The following LRRC56 variants were observed in gnomAD, a reference collection of about 807,000 sequenced individuals.
The protein encoded by LRRC56 is leucine rich repeat containing 56.
Under a neutral mutation model 47.8 loss-of-function variants are expected in LRRC56, and 41 were observed. That is an observed-to-expected ratio of 0.86 (90% CI 0.67 to 1.11). The LOEUF is 1.11. LRRC56 is among the 50% of genes most tolerant of loss of function. LRRC56 has a pLI of 0.00. For missense variants in LRRC56, 759 were observed against 704.2 expected, an observed-to-expected ratio of 1.08 and a Z score of -0.88; for synonymous variants, 387 against 311.2, an observed-to-expected ratio of 1.24 and a Z score of -2.56.
rs1852359759 is a variant in LRRC56 at position 551,116 on chromosome 11, C to T, written c.625-15C>T. ...CCCAGACCTGCCCTCCCTCCCCCTCCCCCTCCCCCTGCAGGTGCCCAGGGG... is the reference window on the plus strand; with the variant it reads ...CCCAGACCTGCCCTCCCTCCCCCTCTCCCTCCCCCTGCAGGTGCCCAGGGG... On this transcript the variant is annotated splice_polypyrimidine_tract_variant and intron_variant, in intron 8 of 13. Transcript: ENST00000270115. The T allele has an allele frequency of 2.8e-6, 4 of 1,407,332 alleles. No homozygotes were observed. The Admixed American group carries it at 1.0e-4, about 36-fold the overall frequency. The allele number at this position is 1,407,332 out of a possible 1,614,324, so 87.2% of individuals were successfully genotyped here.
At chr11:509,970 G>C in the LRRC56 span, among the ~76,000 whole-genome samples, 2 of 148,804 alleles carry the variant, frequency 1.3e-5, no homozygotes, top group African/African-American at 5.0e-5. Flanking sequence ...TACCGCCCCA[G>C]AGCTGACCAT....
At chr11:532,584 C>A, upstream of LRRC56, 1 of 1,585,510 alleles carries the variant, frequency 6.3e-7, no homozygotes, top group Non-Finnish European at 8.5e-7. Flanking sequence ...GGCGGGGAGC[C>A]GGGGTCATCC....
At chr11:542,764 C>T (rs564450101) in intron 5 of LRRC56, among the ~76,000 whole-genome samples, 1 of 152,226 alleles carries the variant, frequency 6.6e-6, no homozygotes, top group East Asian at 1.9e-4. Context: ...TCTACTGACA[C>T]TTCAGTGTGT....
the LRRC56 span, among the ~76,000 whole-genome samples, chr11:522,458 G>A: frequency 6.6e-6 from 1 of 152,092 alleles, no homozygotes; most frequent in Non-Finnish European, 1.5e-5. Context: ...AGTTGAGACG[G>A]GGTTTCACTG....
At chr11:508,064 A>T in the LRRC56 span, among the ~76,000 whole-genome samples, 2 of 152,256 alleles carry the variant, frequency 1.3e-5, no homozygotes, top group East Asian at 3.9e-4. Flanking sequence ...TCCGCAATTC[A>T]CAGAATTGAC....
chr11:550,078 T>G lies in LRRC56; in HGVS notation c.430T>G (p.Tyr144Asp). The change falls in exon 8 of 14, where the codon TAC (tyrosine) becomes GAC (aspartate). Residue 144 changes from tyrosine (Y) to aspartate (D), a missense_variant. Physicochemically the swap from Tyr to Asp is radical, Grantham distance 160. Coordinates refer to ENST00000270115, the MANE Select transcript of LRRC56 (RefSeq NM_198075.4). Reference sequence around the variant, plus strand: ...AGAGCCCCGCGCTGCCCAGGAACTCTACGCCTCCTACAACAACATCTCGGA... The same window carrying G: ...AGAGCCCCGCGCTGCCCAGGAACTCGACGCCTCCTACAACAACATCTCGGA... ...IASLPALKEL[Y>D]ASYNNISDLS... 6 of 1,612,278 alleles carry G rather than the reference T, an allele frequency of 3.7e-6. No homozygotes were observed. Among genetic ancestry groups the G allele is most frequent in the Non-Finnish European group, 5.1e-6 (6 of 1,179,060 alleles).
At chr11:513,357 G>C in the LRRC56 span, among the ~76,000 whole-genome samples, 1 of 152,102 alleles carries the variant, frequency 6.6e-6, no homozygotes, top group Non-Finnish European at 1.5e-5. Context: ...TCACCATGTT[G>C]GCGAGGCTGG....
At chr11:518,408 C>T in the LRRC56 span, among the ~76,000 whole-genome samples, 1 of 152,130 alleles carries the variant, frequency 6.6e-6, no homozygotes, top group South Asian at 2.1e-4. Flanking sequence ...GTCTCGATCT[C>T]CTGACCTCGT....
upstream of LRRC56, chr11:533,239 T>G: frequency 6.6e-7 from 1 of 1,516,546 alleles, no homozygotes; most frequent in Non-Finnish European, 8.9e-7. Context: ...ACCCCGGCCC[T>G]CGCCTCCCTC....
upstream of LRRC56, chr11:532,553 G>A (rs1053388693): frequency 2.6e-6 from 4 of 1,556,362 alleles, no homozygotes; most frequent in South Asian, 1.2e-5. Context: ...GCTGCTGACC[G>A]CAGGCCAGGA....
the LRRC56 span, among the ~76,000 whole-genome samples, chr11:507,672 G>A: frequency 6.6e-5 from 10 of 152,234 alleles, no homozygotes; most frequent in Non-Finnish European, 1.3e-4. Flanking sequence ...CCTCGGGACA[G>A]GAGGGACCCG....
chr11:524,249 C>T, the LRRC56 span, among the ~76,000 whole-genome samples: 1 of 152,086 alleles, frequency 6.6e-6, no homozygotes, highest in African/African-American at 2.4e-5. Flanking sequence ...AGACACACAC[C>T]GAGGGAAGAC....
the LRRC56 span, among the ~76,000 whole-genome samples, chr11:527,258 G>A: frequency 2.6e-5 from 4 of 151,950 alleles, no homozygotes; most frequent in African/African-American, 7.3e-5. Context: ...CTGAGATCGC[G>A]CCACTGCATG....
At chr11:533,666 C>A (rs1851261481), upstream of LRRC56, 3 of 1,612,736 alleles carry the variant, frequency 1.9e-6, no homozygotes, top group Admixed American at 3.3e-5. Flanking sequence ...CAGCGGCATC[C>A]AGGACATGCG....
chr11:554,139 G>A lies in LRRC56; in HGVS notation c.1492G>A (p.Val498Ile), dbSNP rs1852618061. Residue 498 changes from valine to isoleucine, a missense_variant, in exon 14 of 14, where the codon GTC becomes ATC. Transcript: ENST00000270115. The part of the protein sequence containing the change: ...GLGDGVAAVP[V>I]LRALEVASRL... ...GGGTGATGGGGTGGCTGCAGTGCCT[G>A]TCCTGAGAGCCCTGGAGGTGGCCTC... 1 of 1,602,206 alleles carries A rather than the reference G, an allele frequency of 6.2e-7. No homozygotes were observed.
chr11:539,021 C>T (rs1851652254), intron 2 of LRRC56, among the ~76,000 whole-genome samples, 161 bp downstream of exon 2: 1 of 152,224 alleles, frequency 6.6e-6, no homozygotes. Flanking sequence ...ACACTTGTCA[C>T]TCCACGCCTG....
chr11:508,313 C>T, the LRRC56 span, among the ~76,000 whole-genome samples: 2 of 152,164 alleles, frequency 1.3e-5, no homozygotes, highest in African/African-American at 4.8e-5. Context: ...CCACAGGCGC[C>T]AGCACGCCTG....
At chr11:511,057 C>T in the LRRC56 span, among the ~76,000 whole-genome samples, 1 of 152,128 alleles carries the variant, frequency 6.6e-6, no homozygotes, top group Non-Finnish European at 1.5e-5. Flanking sequence ...CACGGTGGCT[C>T]ACACCTGTCA....
the LRRC56 span, among the ~76,000 whole-genome samples, chr11:509,220 A>T: frequency 1.3e-5 from 2 of 152,002 alleles, no homozygotes; most frequent in African/African-American, 4.8e-5. Context: ...TGGAGTCTGG[A>T]TGTGAGGTTT....
Sources: allele counts gnomAD v4.1 joint callset (sites outside exome capture counted in the v4.1 genomes callset), GRCh38; gene constraint gnomAD v4.1.1; transcripts MANE v1.5; gene names NCBI Gene and HGNC (gene_info 2026-07-23, HGNC 2026-07-21).